Variants in CTNNA3 observed in about 807,000 individuals in gnomAD.
The protein encoded by CTNNA3 is catenin alpha 3.
Under a neutral mutation model 95.7 loss-of-function variants are expected in CTNNA3, and 76 were observed. The observed-to-expected ratio is 0.79, with a 90% CI of 0.66 to 0.96. The LOEUF (loss-of-function observed/expected upper bound fraction) is 0.96, where lower values mean the gene tolerates loss of function less well. CTNNA3 is among the 40% of genes least tolerant of loss of function. The pLI is 0.00. For missense variants in CTNNA3, 1,191 were observed against 1,089.8 expected, an observed-to-expected ratio of 1.09 and a Z score of -1.31; for synonymous variants, 431 against 374.4, an observed-to-expected ratio of 1.15 and a Z score of -1.74.
chr10:67,157,207 C>A (rs1236453540), intron 7 of CTNNA3, among the ~76,000 whole-genome samples: 2 of 152,116 alleles, frequency 1.3e-5, no homozygotes, highest in Non-Finnish European at 2.9e-5. Context: ...ATAAAGACTA[C>A]ACACATGCAA....
chr10:66,845,242 G>T (rs1843202209), intron 7 of CTNNA3, among the ~76,000 whole-genome samples: 1 of 152,104 alleles, frequency 6.6e-6, no homozygotes, highest in South Asian at 2.1e-4. Context: ...CTCCACAGAA[G>T]ACATAAACGT....
intron 17 of CTNNA3, among the ~76,000 whole-genome samples, chr10:65,949,365 T>C (rs145432219): frequency 6.6e-6 from 1 of 152,288 alleles, no homozygotes; most frequent in East Asian, 1.9e-4. Flanking sequence ...GTAGCACTGT[T>C]GGGAGGATAG....
chr10:66,764,137 T>C (rs578140537), intron 9 of CTNNA3, among the ~76,000 whole-genome samples: 7 of 152,294 alleles, frequency 4.6e-5, no homozygotes, highest in African/African-American at 1.4e-4. Context: ...CCAAACCTCG[T>C]ATAATCTCAT....
At chr10:66,514,624 G>A (rs1482296025) in intron 11 of CTNNA3, among the ~76,000 whole-genome samples, 1 of 152,044 alleles carries the variant, frequency 6.6e-6, no homozygotes, top group Non-Finnish European at 1.5e-5. Context: ...TCTTTTGCAA[G>A]TAATCTCTTC....
At chr10:66,720,392 T>C (rs1383882071) in intron 9 of CTNNA3, among the ~76,000 whole-genome samples, 2 of 152,196 alleles carry the variant, frequency 1.3e-5, no homozygotes, top group African/African-American at 4.8e-5. Context: ...GGTCAACTCA[T>C]CCTTTCATTT....
intron 6 of CTNNA3, among the ~76,000 whole-genome samples, chr10:67,195,867 A>G (rs1863342363): frequency 6.6e-6 from 1 of 152,076 alleles, no homozygotes; most frequent in South Asian, 2.1e-4. Flanking sequence ...CACATACTCT[A>G]TATTCTCTGA....
chr10:66,748,141 C>A (rs1434596472), intron 9 of CTNNA3, among the ~76,000 whole-genome samples: 1 of 152,102 alleles, frequency 6.6e-6, no homozygotes, highest in East Asian at 1.9e-4. Context: ...AATCTAACTG[C>A]AAAGGGGCTT....
intron 1 of CTNNA3, among the ~76,000 whole-genome samples, chr10:67,711,877 T>G (rs1401274291): frequency 6.6e-6 from 1 of 151,828 alleles, no homozygotes; most frequent in Non-Finnish European, 1.5e-5. Flanking sequence ...AATGATGATT[T>G]CCAATTTCAT....
At chr10:66,702,707 CAAA>C (rs36140474) in intron 9 of CTNNA3, among the ~76,000 whole-genome samples, 4 of 81,246 alleles carry the variant, frequency 4.9e-5, no homozygotes, top group African/African-American at 1.5e-4. Context: ...AACTCCACCT[CAAA>C]AAAAAAAAAA....
intron 6 of CTNNA3, among the ~76,000 whole-genome samples, chr10:67,207,079 C>T (rs547706265): frequency 3.9e-5 from 6 of 152,040 alleles, no homozygotes; most frequent in East Asian, 3.9e-4. Context: ...TGCAGTGAGC[C>T]GAGATCGCAC....
At chr10:67,687,962 G>T (rs1457883861) in intron 1 of CTNNA3, among the ~76,000 whole-genome samples, 1 of 152,172 alleles carries the variant, frequency 6.6e-6, no homozygotes, top group African/African-American at 2.4e-5. Context: ...TAGGGAATTT[G>T]CCCCTTTCTT....
chr10:66,510,319 G>A (rs1359263708), intron 11 of CTNNA3, among the ~76,000 whole-genome samples: 1 of 150,788 alleles, frequency 6.6e-6, no homozygotes, highest in East Asian at 1.9e-4. Flanking sequence ...TTCTATTTAT[G>A]AGAACATGTT....
At chr10:66,689,987 T>C (rs1164910510) in intron 9 of CTNNA3, among the ~76,000 whole-genome samples, 9 of 151,996 alleles carry the variant, frequency 5.9e-5, no homozygotes, top group Admixed American at 3.9e-4. Context: ...TTTCTGAAAA[T>C]AGAACAAAGA....
At chr10:66,371,834 A>G (rs1278618874) in intron 12 of CTNNA3, among the ~76,000 whole-genome samples, 1 of 152,190 alleles carries the variant, frequency 6.6e-6, no homozygotes. Context: ...GTGTGGGCAC[A>G]TGATTTAAAC....
At chr10:67,732,886 GCACA>G (rs35778813) in intron 1 of CTNNA3, among the ~76,000 whole-genome samples, 52 of 103,634 alleles carry the variant, frequency 5.0e-4, no homozygotes, top group South Asian at 8.9e-4. Context: ...TCTCACTCAC[GCACA>G]CACACACACA....
chr10:66,057,718 G>A (rs2080114715), intron 15 of CTNNA3, among the ~76,000 whole-genome samples: 1 of 152,086 alleles, frequency 6.6e-6, no homozygotes, highest in Admixed American at 6.6e-5. Flanking sequence ...AGGAAAAAAA[G>A]TAAGCCATCA....
chr10:66,647,449 A>C (rs1472996771), intron 9 of CTNNA3, among the ~76,000 whole-genome samples: 1 of 152,190 alleles, frequency 6.6e-6, no homozygotes, highest in African/African-American at 2.4e-5. Flanking sequence ...AAGTCTTCAC[A>C]ATGTAGTTAA....
At chr10:66,845,717 A>AT (rs1564719829) in intron 7 of CTNNA3, among the ~76,000 whole-genome samples, 1 of 130,642 alleles carries the variant, frequency 7.7e-6, no homozygotes, top group Non-Finnish European at 1.6e-5. Context: ...AAAAAAAAAA[A>AT]AAAAAAAAAA....
rs187985372 is a variant in CTNNA3, at chr10:67,623,886, G to A, written c.100-16837C>T. Among the ~76,000 whole-genome samples the A allele has an allele frequency of 3.7e-4, 57 of 152,154 alleles. No individual in the cohort carries two copies. The East Asian group carries it at 7.7e-3, about 21-fold the overall frequency. On this transcript the variant is annotated intron_variant, in intron 2 of 17. Transcript: ENST00000433211. ...GGCTGAAGGGCAATGGTGCGATCTC[G>A]GCTCACTGCAACCTCCGTCTCCCAG... is the stretch of plus-strand genomic sequence containing the variant.
Sources: allele counts gnomAD v4.1 joint callset (sites outside exome capture counted in the v4.1 genomes callset), GRCh38; gene constraint gnomAD v4.1.1; transcripts MANE v1.5; gene names NCBI Gene and HGNC (gene_info 2026-07-23, HGNC 2026-07-21).